The following TLE3 variants were observed in gnomAD, a reference collection of about 807,000 sequenced individuals.
TLE3 encodes transducin-like enhancer protein 3.
In TLE3, 14 loss-of-function variants were observed where a neutral mutation model predicts 93.0. That is an observed-to-expected ratio of 0.15 (90% CI 0.10 to 0.24). TLE3 has a LOEUF of 0.24. TLE3 is among the 10% of genes least tolerant of loss of function. The pLI is 1.00. For missense variants in TLE3, 693 were observed against 1,046.6 expected (o/e 0.66, Z 4.66); for synonymous variants, 451 against 425.0 (o/e 1.06, Z -0.75).
chr15:70,079,545 CAA>C, intron 4 of TLE3: 1 of 399,550 alleles, frequency 2.5e-6, no homozygotes, highest in Non-Finnish European at 4.9e-6. Flanking sequence ...GGTCTCCCCA[CAA>C]AGTGGAAGCA....
At chr15:70,059,381 A>G in intron 10 of TLE3, 29 bp downstream of exon 10, 1 of 1,600,782 alleles carries the variant, frequency 6.2e-7, no homozygotes, top group Admixed American at 1.7e-5. Flanking sequence ...CCAAACCAAG[A>G]GCCCCCTTGC....
chr15:70,074,368 C>T (rs1052198265), intron 6 of TLE3, 165 bp downstream of exon 6: 8 of 739,146 alleles, frequency 1.1e-5, no homozygotes, highest in African/African-American at 1.1e-4. Context: ...AAGGGGGAAA[C>T]AGCCCTACAT....
chr15:70,051,186 TTG>T, intron 19 of TLE3: 1 of 463,888 alleles, frequency 2.2e-6, no homozygotes, highest in Non-Finnish European at 3.9e-6. Context: ...CAGTAGCAGA[TTG>T]TGTGTCCTGC....
chr15:70,096,715 A>T (rs756309839), intron 1 of TLE3, 60 bp downstream of exon 1: 5 of 1,601,346 alleles, frequency 3.1e-6, no homozygotes. Context: ...GTGCCAGATA[A>T]ACTGCCTCGT....
Position 70,097,506 on chromosome 15 carries a change from C to A in TLE3, c.-708G>T. The A allele has an allele frequency of 2.5e-6, 1 of 406,986 alleles. No individual in the cohort carries two copies. The allele number at this position is 406,986 out of a possible 1,614,324, so 25.2% of individuals were successfully genotyped here. ...CCTTCCCAGGGCCGGGGAGGAACTC[C>A]GGGCTCAGTAGGTGCAAATCAAACG... On this transcript the variant is annotated 5_prime_UTR_variant, in exon 1 of 20. Transcript: ENST00000451782.
In TLE3 at chr15:70,058,168, C is replaced by A. The variant is rs1205384148; in HGVS notation, c.1042G>T (p.Asp348Tyr). ...RSMPGKPPGM[D>Y]PIASALRTPI... ...TGCCTACCCATTATACCTATCGGGT[C>A]CATGCCCGGAGGTTTACCCGGCATC... The change falls in exon 12 of 20, where the codon GAC (aspartate) becomes TAC (tyrosine). Residue 348 changes from aspartate to tyrosine, a missense_variant. Around this residue, in one of 4 missense-constraint regions of TLE3, gnomAD observed 405 missense variants for 468.9 expected, o/e 0.86. Transcript: ENST00000451782. The surrounding 1 kb of genome is among the most constrained non-coding windows in gnomAD (Gnocchi z 4.1). 2 of 1,614,000 alleles carry A rather than the reference C, an allele frequency of 1.2e-6. No individual in the cohort carries two copies. Among genetic ancestry groups the A allele is most frequent in the Admixed American group, 1.7e-5 (1 of 60,020 alleles).
Position 70,059,476 on chromosome 15 carries a change from A to G in TLE3, c.715-16T>C. ...CATCACTGTCCTGCAACCAAGAGAGAAGCCAACTGGTCAGTAAGAGGCCAC... is the reference window on the plus strand; with the variant it reads ...CATCACTGTCCTGCAACCAAGAGAGGAGCCAACTGGTCAGTAAGAGGCCAC... On this transcript the variant is annotated splice_polypyrimidine_tract_variant and intron_variant, in intron 9 of 19. Coordinates refer to ENST00000451782, the MANE Select transcript of TLE3 (RefSeq NM_001105192.3). The G allele has an allele frequency of 6.2e-7, 1 of 1,604,210 alleles. No individual in the cohort carries two copies. The highest frequency in any genetic ancestry group is 8.5e-7 in the Non-Finnish European group (1 of 1,175,260).
chr15:70,064,438 G>C lies in TLE3; in HGVS notation c.594+16C>G, dbSNP rs1483582648. On this transcript the variant is annotated intron_variant, in intron 8 of 19. Transcript: ENST00000451782. ...CACCCAAACACCCCTCCGGGTTCCA[G>C]AGTGCCAACACTTACCGCACTGGAT... The C allele has an allele frequency of 5.0e-6, 8 of 1,613,554 alleles. No individual in the cohort carries two copies. The highest frequency in any genetic ancestry group is 6.8e-6 in the Non-Finnish European group (8 of 1,179,720).
chr15:70,060,716 A>C (rs752801407), intron 8 of TLE3, 67 bp from the exon 9 acceptor site: 1 of 1,592,640 alleles, frequency 6.3e-7, no homozygotes, highest in Non-Finnish European at 8.5e-7. Context: ...ACATCCGCAC[A>C]CAGCTAAGTG....
chr15:70,068,492 G>T (rs925089522), intron 6 of TLE3, among the ~76,000 whole-genome samples: 5 of 152,194 alleles, frequency 3.3e-5, no homozygotes, highest in Admixed American at 2.0e-4. Flanking sequence ...AATTCTGCTG[G>T]TGATAACTAT....
intron 6 of TLE3, among the ~76,000 whole-genome samples, chr15:70,073,714 G>A (rs2057299857): frequency 6.6e-6 from 1 of 152,132 alleles, no homozygotes. Context: ...ACACCCCAAG[G>A]GTAAGAGCCT....
intron 19 of TLE3, 34 bp downstream of exon 19, chr15:70,051,357 G>C (rs770585699): frequency 1.9e-6 from 3 of 1,564,282 alleles, no homozygotes; most frequent in African/African-American, 2.7e-5. Context: ...ACTCTGGGTA[G>C]AACCCAGAGG....
Position 70,097,380 on chromosome 15 carries a change from C to G in TLE3, c.-582G>C. 2.5e-6 allele frequency: 1 copy of G among 407,448 alleles called. No homozygotes were observed. Among genetic ancestry groups the G allele is most frequent in the Non-Finnish European group, 4.3e-6 (1 of 231,092 alleles). The allele number at this position is 407,448 out of a possible 1,614,324, so 25.2% of individuals were successfully genotyped here. A position where few individuals can be genotyped will look rare whatever the true frequency, so the allele number is the denominator to read the frequency against. On this transcript the variant is annotated 5_prime_UTR_variant, in exon 1 of 20. Coordinates refer to ENST00000451782, the MANE Select transcript of TLE3 (RefSeq NM_001105192.3). Reference sequence around the variant, plus strand: ...CCGCAGGAGCGCCGGAGGGTGAGGGCGGGAGCCCGGCGCGGGCGCTTCGAC... The same window carrying G: ...CCGCAGGAGCGCCGGAGGGTGAGGGGGGGAGCCCGGCGCGGGCGCTTCGAC...
At chr15:70,068,048 C>T (rs1269434774) in intron 6 of TLE3, among the ~76,000 whole-genome samples, 1 of 152,196 alleles carries the variant, frequency 6.6e-6, no homozygotes, top group Non-Finnish European at 1.5e-5. Flanking sequence ...ACTCCAGCTC[C>T]TCTAGGATGG....
chr15:70,053,478 G>A (rs958818271), intron 16 of TLE3, 104 bp from the exon 17 acceptor site: 2 of 1,366,868 alleles, frequency 1.5e-6, no homozygotes, highest in Non-Finnish European at 2.0e-6. Flanking sequence ...CTGAGGCCCA[G>A]AAGAGTGCAC....
intron 14 of TLE3, chr15:70,055,787 G>A (rs528286779): frequency 7.5e-5 from 15 of 200,428 alleles, no homozygotes; most frequent in South Asian, 7.2e-4. Context: ...CTAGATTCTC[G>A]TTGACAATTA....
Position 70,062,353 on chromosome 15 carries a change from G to T in TLE3, c.595-1704C>A, listed in dbSNP as rs535764033. Among the ~76,000 whole-genome samples, 1,029 of 152,242 alleles carry T rather than the reference G, an allele frequency of 6.8e-3. 7 individuals are homozygous for T. Among genetic ancestry groups the T allele is most frequent in the Non-Finnish European group, 0.012 (803 of 68,000 alleles). On this transcript the variant is annotated intron_variant, in intron 8 of 19. Coordinates refer to ENST00000451782, the MANE Select transcript of TLE3 (RefSeq NM_001105192.3). ...TAAGCAGAAATGCTTCCAGCCCCTC[G>T]CACTGGCTGCCCCTTGCAGGCGGGC...
intron 4 of TLE3, among the ~76,000 whole-genome samples, chr15:70,085,240 C>G (rs1045834720): frequency 3.3e-5 from 5 of 152,242 alleles, no homozygotes; most frequent in African/African-American, 1.2e-4. Flanking sequence ...CCAACATGAA[C>G]TGATCTGGGA....
In TLE3 at chr15:70,096,988, C is replaced by G; in HGVS notation, c.-190G>C. The G allele has an allele frequency of 1.4e-6, 1 of 701,820 alleles. No individual in the cohort carries two copies. Among genetic ancestry groups the G allele is most frequent in the South Asian group, 1.6e-5 (1 of 63,382 alleles). The allele number at this position is 701,820 out of a possible 1,614,324, so 43.5% of individuals were successfully genotyped here. A position where few individuals can be genotyped will look rare whatever the true frequency, so the allele number is the denominator to read the frequency against. Reference sequence around the variant, plus strand: ...GCCCGCCCCAAGTGGAGACAAAGAGCCGCGGAGCAGGCGGCAAAGTCGTCG... The same window carrying G: ...GCCCGCCCCAAGTGGAGACAAAGAGGCGCGGAGCAGGCGGCAAAGTCGTCG... On this transcript the variant is annotated 5_prime_UTR_variant, in exon 1 of 20. Coordinates refer to ENST00000451782, the MANE Select transcript of TLE3 (RefSeq NM_001105192.3).
Sources: allele counts gnomAD v4.1 joint callset (sites outside exome capture counted in the v4.1 genomes callset), GRCh38; gene constraint gnomAD v4.1.1; regional missense constraint gnomAD v4.1.1; non-coding constraint Gnocchi (gnomAD v3.1); transcripts MANE v1.5; gene names NCBI Gene and HGNC (gene_info 2026-07-23, HGNC 2026-07-21).